Variants in TPST1 observed in about 807,000 individuals in gnomAD.
The protein encoded by TPST1 is tyrosylprotein sulfotransferase 1, also known as protein-tyrosine sulfotransferase 1.
A neutral mutation model predicts 34.8 loss-of-function variants in TPST1; 20 were observed. That is an observed-to-expected ratio of 0.57 (90% CI 0.40 to 0.84). The LOEUF (loss-of-function observed/expected upper bound fraction) is 0.84. Among genes scored for constraint, TPST1 ranks in the 40% least tolerant of loss-of-function variants. The probability of loss-of-function intolerance (pLI) is 0.00; values close to 1 mark genes in which losing one functional copy is unlikely to be tolerated. For missense variants in TPST1, 353 were observed against 455.5 expected (o/e 0.78, Z 2.05); for synonymous variants, 152 against 159.4 (o/e 0.95, Z 0.35).
intron 3 of TPST1, among the ~76,000 whole-genome samples, chr7:66,347,764 T>A (rs936253309): frequency 6.6e-6 from 1 of 152,204 alleles, no homozygotes; most frequent in Non-Finnish European, 1.5e-5. Flanking sequence ...CTTTCTTGAC[T>A]TCTTTTTCAG....
chr7:66,358,019 T>G (rs1451386424), intron 5 of TPST1, among the ~76,000 whole-genome samples: 1 of 151,766 alleles, frequency 6.6e-6, no homozygotes, highest in African/African-American at 2.4e-5. Context: ...AAGAGGTGGA[T>G]GTTACAGTAA....
chr7:66,356,903 T>C lies in TPST1; in HGVS notation c.*29+32T>C, dbSNP rs1476912053. 9 of 1,612,080 alleles carry C rather than the reference T, an allele frequency of 5.6e-6. No individual in the cohort carries two copies. The Admixed American group carries it at 1.3e-4, about 24-fold the overall frequency. On this transcript the variant is annotated intron_variant, in intron 5 of 5. Transcript: ENST00000304842. ...GTTGGGGGACATTGCCAGGTCTTTC[T>C]GTTTCCCACTCGGGCTCTTGCAGGG...
intron 3 of TPST1, among the ~76,000 whole-genome samples, chr7:66,317,774 T>C (rs1353203041): frequency 6.6e-6 from 1 of 152,216 alleles, no homozygotes; most frequent in Non-Finnish European, 1.5e-5. Flanking sequence ...TTTTGTGGAC[T>C]GTTTTCTTTT....
chr7:66,271,572 T>G (rs1790706006), intron 2 of TPST1, among the ~76,000 whole-genome samples: 1 of 152,168 alleles, frequency 6.6e-6, no homozygotes, highest in African/African-American at 2.4e-5. Context: ...CTACTCTGCT[T>G]TGATGTGTTT....
intron 2 of TPST1, among the ~76,000 whole-genome samples, chr7:66,262,459 C>T (rs183669311): frequency 3.9e-5 from 6 of 152,264 alleles, no homozygotes; most frequent in Admixed American, 6.5e-5. Context: ...ATGATTCCGC[C>T]CCCACATTTT....
At chr7:66,308,164 C>G (rs967264641) in intron 3 of TPST1, among the ~76,000 whole-genome samples, 3 of 152,144 alleles carry the variant, frequency 2.0e-5, no homozygotes, top group Non-Finnish European at 2.9e-5. Flanking sequence ...ACTTGGTAGC[C>G]AGTGGTAAAG....
chr7:66,223,321 G>C (rs1789582447), intron 1 of TPST1, among the ~76,000 whole-genome samples: 1 of 151,844 alleles, frequency 6.6e-6, no homozygotes, highest in African/African-American at 2.4e-5. Flanking sequence ...AATTAGCCAG[G>C]TATGGTTTGC....
At chr7:66,253,370 CTT>C (rs199518226) in intron 2 of TPST1, among the ~76,000 whole-genome samples, 25 of 130,112 alleles carry the variant, frequency 1.9e-4, no homozygotes, top group Admixed American at 5.4e-4. Flanking sequence ...AGATCGCTTT[CTT>C]TTTTTTTTTT....
intron 3 of TPST1, chr7:66,344,162 C>T (rs952159912): frequency 6.6e-6 from 1 of 152,096 alleles, no homozygotes; most frequent in African/African-American, 2.4e-5. Flanking sequence ...TCAGGAGGCC[C>T]AGGTGGGAAG....
At chr7:66,277,077 C>T (rs531310429) in intron 2 of TPST1, among the ~76,000 whole-genome samples, 1 of 152,204 alleles carries the variant, frequency 6.6e-6, no homozygotes, top group East Asian at 1.9e-4. Context: ...TCGCTTGTAT[C>T]GGGGCCTTCT....
In TPST1 at chr7:66,332,010, T is replaced by C. The variant is rs1012159046; in HGVS notation, c.1045-20495T>C. ...AGTTGCAGGAAAACAAGCTCAGGGC[T>C]TCTACTGATTCTGCAATATAGTGAG... On this transcript the variant is annotated intron_variant, in intron 3 of 5. Transcript: ENST00000304842. The surrounding 1 kb of genome is among the most constrained non-coding windows in gnomAD (Gnocchi z 4.5). Among the ~76,000 whole-genome samples, 3 of 152,146 alleles carry C rather than the reference T, an allele frequency of 2.0e-5. No homozygotes were observed. Among genetic ancestry groups the C allele is most frequent in the Non-Finnish European group, 4.4e-5 (3 of 68,032 alleles).
chr7:66,307,308 C>T (rs1159089415), intron 3 of TPST1, among the ~76,000 whole-genome samples: 3 of 151,756 alleles, frequency 2.0e-5, no homozygotes, highest in Non-Finnish European at 4.4e-5. Context: ...TTAGTAGAGA[C>T]GGGGTTTCAC....
intron 1 of TPST1, among the ~76,000 whole-genome samples, chr7:66,208,941 A>G (rs1389801069): frequency 6.6e-6 from 1 of 152,110 alleles, no homozygotes; most frequent in Non-Finnish European, 1.5e-5. Flanking sequence ...CTAGACAAGG[A>G]AAGGTAAGGG....
At chr7:66,276,678 T>C (rs368741021) in intron 2 of TPST1, among the ~76,000 whole-genome samples, 3 of 152,122 alleles carry the variant, frequency 2.0e-5, no homozygotes, top group Admixed American at 2.0e-4. Context: ...ATTTTTGTAA[T>C]GATTTTTCCT....
chr7:66,222,341 G>A (rs554180542), intron 1 of TPST1, among the ~76,000 whole-genome samples: 103 of 151,466 alleles, frequency 6.8e-4, no homozygotes, highest in African/African-American at 2.2e-3. Flanking sequence ...AGCTGAGATC[G>A]TGCCACTGCA....
chr7:66,248,640 A>AT (rs1790201363), intron 2 of TPST1, among the ~76,000 whole-genome samples: 1 of 150,206 alleles, frequency 6.7e-6, no homozygotes, highest in Non-Finnish European at 1.5e-5. Flanking sequence ...AGTAGCTGGG[A>AT]TTGCAGGTGC....
chr7:66,266,207 T>C (rs1553174), intron 2 of TPST1, among the ~76,000 whole-genome samples: 136,403 of 152,142 alleles, frequency 0.9, 61,323 homozygotes, highest in African/African-American at 0.94. Flanking sequence ...GCCCTGCACA[T>C]TTCCCATATT....
In TPST1 at chr7:66,258,391, G is replaced by A. The variant is rs571611776; in HGVS notation, c.845+17121G>A. The stretch of plus-strand genomic sequence containing the variant: ...TATTTCCAGTATCAGTTCAAAGACT[G>A]TGCTATGCTACTTTGGGTCTTTCCT... On this transcript the variant is annotated intron_variant, in intron 2 of 5. Transcript: ENST00000304842. Among the ~76,000 whole-genome samples, 127 of 152,264 alleles carry A rather than the reference G, an allele frequency of 8.3e-4. 1 individual carries two copies. In the South Asian group the frequency reaches 0.012, roughly 15 times the overall value.
At chr7:66,243,023 T>C (rs1790068877) in intron 2 of TPST1, among the ~76,000 whole-genome samples, 1 of 152,176 alleles carries the variant, frequency 6.6e-6, no homozygotes, top group Non-Finnish European at 1.5e-5. Flanking sequence ...ATTTGGGGTC[T>C]TTCTAGTTTG....
Sources: gnomAD v4.1 joint callset for allele counts (sites outside exome capture counted in the v4.1 genomes callset) on GRCh38, gnomAD v4.1.1 for gene constraint, Gnocchi (gnomAD v3.1) non-coding constraint, MANE v1.5 for transcripts, NCBI Gene and HGNC (gene_info 2026-07-23, HGNC 2026-07-21) for gene names.